CASR: variants seen among roughly 807,000 people sequenced by gnomAD.
CASR encodes the protein extracellular calcium-sensing receptor.
In CASR, 23 loss-of-function variants were observed where a neutral mutation model predicts 69.1. That is an observed-to-expected ratio of 0.33 (90% CI 0.24 to 0.47). CASR has a LOEUF of 0.47. Among genes scored for constraint, CASR ranks in the 20% least tolerant of loss-of-function variants. CASR has a pLI of 1.00. For synonymous variants in CASR, 541 were observed against 544.7 expected (o/e 0.99, Z 0.10); for missense variants, 924 against 1,356.1 (o/e 0.68, Z 5.00).
At chr3:122,250,313 G>A (rs1267737002) in intron 1 of CASR, among the ~76,000 whole-genome samples, 1 of 152,106 alleles carries the variant, frequency 6.6e-6, no homozygotes, top group East Asian at 1.9e-4. Context: ...GACTGAGAGA[G>A]TTAACTGCTA....
intron 1 of CASR, among the ~76,000 whole-genome samples, chr3:122,211,680 C>A (rs1216269197): frequency 6.6e-6 from 1 of 152,106 alleles, no homozygotes; most frequent in African/African-American, 2.4e-5. Flanking sequence ...TGCCCTCCAG[C>A]CTGGGTAACA....
chr3:122,239,016 G>A (rs2074355865), intron 1 of CASR, among the ~76,000 whole-genome samples: 1 of 152,170 alleles, frequency 6.6e-6, no homozygotes, highest in Non-Finnish European at 1.5e-5. Context: ...GGTGGCAATG[G>A]CAAAAGATTC....
chr3:122,254,188 C>T lies in CASR; in HGVS notation c.-2C>T, dbSNP rs778565441. 8.7e-6 allele frequency: 14 copies of T among 1,612,568 alleles called. No individual in the cohort carries two copies. Among genetic ancestry groups the T allele is most frequent in the Non-Finnish European group, 1.1e-5 (13 of 1,180,030 alleles). On this transcript the variant is annotated 5_prime_UTR_variant, in exon 2 of 7. Coordinates refer to ENST00000639785, the MANE Select transcript of CASR (RefSeq NM_000388.4). ...CCCTTGCCCTGGAGAGACGGCAGAA[C>T]CATGGCATTTTATAGCTGCTGCTGG...
intron 1 of CASR, among the ~76,000 whole-genome samples, chr3:122,211,381 C>T (rs920622081): frequency 2.0e-5 from 3 of 152,052 alleles, no homozygotes. Flanking sequence ...GGAACTTAAA[C>T]AAATTTACAA....
intron 1 of CASR, among the ~76,000 whole-genome samples, chr3:122,252,334 G>A (rs1213862158): frequency 4.5e-4 from 22 of 48,418 alleles, no homozygotes; most frequent in East Asian, 2.7e-3. Context: ...AAGAAAGAGA[G>A]AGAAAGAAAG....
chr3:122,273,712 G>A (rs189425623), intron 4 of CASR, among the ~76,000 whole-genome samples: 16 of 152,288 alleles, frequency 1.1e-4, no homozygotes, highest in Admixed American at 9.1e-4. Context: ...ATTACAGCAT[G>A]GAGAAGGATG....
In CASR at chr3:122,247,611, C is replaced by T. The variant is rs988660312; in HGVS notation, c.-242-6337C>T. ...TGTGGGCTATGTCGCCAGCAACTCA[C>T]TCAGTCCTATGTGGACACAGAGTTT... On this transcript the variant is annotated intron_variant, in intron 1 of 6. Transcript: ENST00000639785. The T allele has an allele frequency of 3.5e-4, 53 of 152,360 alleles. 1 individual carries two copies. The highest frequency in any genetic ancestry group is 1.2e-3 in the African/African-American group (51 of 41,574). 9.4% of individuals were successfully genotyped at this position (152,360 alleles called of 1,614,324 possible). A position where few individuals can be genotyped will look rare whatever the true frequency, so the allele number is the denominator to read the frequency against.
intron 4 of CASR, among the ~76,000 whole-genome samples, chr3:122,263,362 G>C (rs977627863): frequency 1.3e-5 from 2 of 152,152 alleles, no homozygotes; most frequent in African/African-American, 4.8e-5. Context: ...TTAATGTCTA[G>C]CTTACTTTCC....
intron 1 of CASR, among the ~76,000 whole-genome samples, chr3:122,207,821 C>T (rs922844233): frequency 2.0e-5 from 3 of 152,122 alleles, no homozygotes; most frequent in African/African-American, 7.2e-5. Context: ...TAAGAATAAA[C>T]TTCTTTGCTG....
rs2074527113 is a variant in CASR at position 122,254,156 on chromosome 3, G to C, written c.-34G>C. The C allele has an allele frequency of 6.2e-7, 1 of 1,610,730 alleles. No individual in the cohort carries two copies. The highest frequency in any genetic ancestry group is 1.1e-5 in the South Asian group (1 of 90,974). On this transcript the variant is annotated 5_prime_UTR_variant, in exon 2 of 7. Transcript: ENST00000639785. Reference sequence around the variant, plus strand: ...TCTGGGAGCCTCCAAACTCCTAGCTGTCTCATCCCTTGCCCTGGAGAGACG... The same window carrying C: ...TCTGGGAGCCTCCAAACTCCTAGCTCTCTCATCCCTTGCCCTGGAGAGACG...
At chr3:122,192,774 A>G (rs2073851686) in intron 1 of CASR, among the ~76,000 whole-genome samples, 1 of 152,134 alleles carries the variant, frequency 6.6e-6, no homozygotes, top group Non-Finnish European at 1.5e-5. Flanking sequence ...GCGGGTCTGG[A>G]GTGGGGGCCA....
intron 1 of CASR, among the ~76,000 whole-genome samples, chr3:122,188,391 ACT>A (rs1380034485): frequency 2.6e-5 from 4 of 152,100 alleles, no homozygotes; most frequent in Non-Finnish European, 5.9e-5. Flanking sequence ...TTATCCTTTG[ACT>A]CTGTCATTCA....
chr3:122,239,926 G>GTCTTAAAAAACTACCT (rs1239808192), intron 1 of CASR, among the ~76,000 whole-genome samples: 2 of 152,102 alleles, frequency 1.3e-5, no homozygotes, highest in African/African-American at 4.8e-5. Flanking sequence ...AAGAGTTACT[G>GTCTTAAAAAACTACCT]GTCTTAAAAA....
At chr3:122,245,068 T>A (rs1454563532) in intron 1 of CASR, among the ~76,000 whole-genome samples, 1 of 152,202 alleles carries the variant, frequency 6.6e-6, no homozygotes, top group Admixed American at 6.5e-5. Flanking sequence ...GATACCAAAA[T>A]CTGCAGATGC....
At chr3:122,263,924 T>C (rs940015162) in intron 4 of CASR, among the ~76,000 whole-genome samples, 13 of 152,254 alleles carry the variant, frequency 8.5e-5, no homozygotes, top group Admixed American at 5.2e-4. Flanking sequence ...TATTGTCTTT[T>C]CTTTCTTACC....
In CASR at chr3:122,254,107, G is replaced by A; in HGVS notation, c.-83G>A. The A allele has an allele frequency of 2.4e-6, 3 of 1,254,858 alleles. No individual in the cohort carries two copies. Among genetic ancestry groups the A allele is most frequent in the Admixed American group, 1.7e-5 (1 of 59,548 alleles). The allele number at this position is 1,254,858 out of a possible 1,614,324, so 77.7% of individuals were successfully genotyped here. A position where few individuals can be genotyped will look rare whatever the true frequency, so the allele number is the denominator to read the frequency against. On this transcript the variant is annotated 5_prime_UTR_variant, in exon 2 of 7. It adds an upstream start codon to the 5' untranslated region. Transcript: ENST00000639785. ...TAGACATGTGTCCCCACTGCAGGGA[G>A]TGAACTGCTCCAAGGGAGAAACTTC...
chr3:122,194,985 C>T (rs1415864084), intron 1 of CASR, among the ~76,000 whole-genome samples: 1 of 129,742 alleles, frequency 7.7e-6, no homozygotes, highest in Non-Finnish European at 1.7e-5. Flanking sequence ...CTTACTTTTT[C>T]CTCCTCCTCC....
intron 1 of CASR, among the ~76,000 whole-genome samples, chr3:122,200,449 G>A (rs1254137937): frequency 1.3e-5 from 2 of 152,062 alleles, no homozygotes; most frequent in Non-Finnish European, 2.9e-5. Flanking sequence ...ACAATATATT[G>A]TTTAATGTTG....
chr3:122,209,460 C>CACA (rs1238545447), intron 1 of CASR, among the ~76,000 whole-genome samples: 1 of 152,178 alleles, frequency 6.6e-6, no homozygotes, highest in East Asian at 1.9e-4. Context: ...GCCTCACAAT[C>CACA]ATGGCAAAAG....
Sources: gnomAD v4.1 joint callset for allele counts (sites outside exome capture counted in the v4.1 genomes callset) on GRCh38, gnomAD v4.1.1 for gene constraint, MANE v1.5 for transcripts, NCBI Gene and HGNC (gene_info 2026-07-23, HGNC 2026-07-21) for gene names.